WFS1: variants seen among roughly 807,000 people sequenced by gnomAD.
The protein encoded by WFS1 is wolframin.
A neutral mutation model predicts 68.5 loss-of-function variants in WFS1; 90 were observed. That is an observed-to-expected ratio of 1.31 (90% CI 1.11 to 1.56). The LOEUF is 1.56. Ranked by LOEUF, WFS1 falls within the 40% of genes most tolerant of loss-of-function variation. The pLI, the probability that WFS1 is intolerant of heterozygous loss-of-function variation, is 0.00. For synonymous variants in WFS1, 860 were observed against 540.7 expected (o/e 1.59, Z -8.19); for missense variants, 1,767 against 1,232.6 (o/e 1.43, Z -6.49).
Position 6,302,537 on chromosome 4 carries a change from C to A in WFS1, c.*69C>A. 1 of 1,598,974 alleles carries A rather than the reference C, an allele frequency of 6.3e-7. No homozygotes were observed. Among genetic ancestry groups the A allele is most frequent in the Non-Finnish European group, 8.5e-7 (1 of 1,176,254 alleles). On this transcript the variant is annotated 3_prime_UTR_variant, in exon 8 of 8. Coordinates refer to ENST00000226760, the MANE Select transcript of WFS1 (RefSeq NM_006005.3). Reference sequence around the variant, plus strand: ...GCCTTTCCCCAGTGTGGCCCCAGCCCGACAGGCATGCACCAGTGCCGCCTG... The same window carrying A: ...GCCTTTCCCCAGTGTGGCCCCAGCCAGACAGGCATGCACCAGTGCCGCCTG...
At chr4:6,290,715 C>G (rs1245305006) in intron 4 of WFS1, among the ~76,000 whole-genome samples, 2 of 151,340 alleles carry the variant, frequency 1.3e-5, no homozygotes, top group Non-Finnish European at 2.9e-5. Flanking sequence ...CCTCTCCCCG[C>G]TGTCCAAGCC....
intron 4 of WFS1, among the ~76,000 whole-genome samples, chr4:6,290,891 C>A (rs1730441626): frequency 6.6e-6 from 1 of 152,144 alleles, no homozygotes; most frequent in South Asian, 2.1e-4. Context: ...AGAACACAGG[C>A]CTGTGCCTCC....
intron 6 of WFS1, among the ~76,000 whole-genome samples, chr4:6,293,974 C>T (rs1206720148): frequency 6.6e-6 from 1 of 151,854 alleles, no homozygotes; most frequent in African/African-American, 2.4e-5. Flanking sequence ...TGCTACCTGC[C>T]ACTTGTGTGG....
intron 7 of WFS1, among the ~76,000 whole-genome samples, chr4:6,298,106 C>T (rs951924768): frequency 1.8e-4 from 27 of 152,228 alleles, no homozygotes; most frequent in African/African-American, 5.8e-4. Flanking sequence ...CCCTTGCTAC[C>T]GTGGCGGTCG....
intron 6 of WFS1, among the ~76,000 whole-genome samples, chr4:6,292,365 G>C (rs1028285919): frequency 2.0e-5 from 3 of 152,132 alleles, no homozygotes; most frequent in Non-Finnish European, 4.4e-5. Flanking sequence ...GGGCATTAGG[G>C]GAAGGGGCTC....
intron 5 of WFS1, among the ~76,000 whole-genome samples, chr4:6,291,613 T>C (rs1387971910): frequency 1.3e-5 from 2 of 152,138 alleles, no homozygotes; most frequent in Non-Finnish European, 2.9e-5. Context: ...CTGGCTCAAG[T>C]GCTCACTCAT....
chr4:6,277,696 G>A lies in WFS1; in HGVS notation c.232+9G>A, dbSNP rs1425281637. 6.4e-7 allele frequency: 1 copy of A among 1,553,746 alleles called. No individual in the cohort carries two copies. Among genetic ancestry groups the A allele is most frequent in the South Asian group, 1.2e-5 (1 of 84,280 alleles). ...AAGAGCAGACGGCACCGGTAAGGGAGCAGGCTGGGAAGCCCAGGCTGGGGA... is the reference window on the plus strand; with the variant it reads ...AAGAGCAGACGGCACCGGTAAGGGAACAGGCTGGGAAGCCCAGGCTGGGGA... On this transcript the variant is annotated intron_variant, in intron 2 of 7. Coordinates refer to ENST00000226760, the MANE Select transcript of WFS1 (RefSeq NM_006005.3).
chr4:6,296,100 C>T (rs1042016957), intron 7 of WFS1, among the ~76,000 whole-genome samples: 7 of 152,130 alleles, frequency 4.6e-5, no homozygotes, highest in Non-Finnish European at 1.0e-4. Flanking sequence ...TTCAGATGGG[C>T]GCGTGAGTCA....
intron 6 of WFS1, among the ~76,000 whole-genome samples, chr4:6,292,235 C>T (rs71532856): frequency 3.8e-4 from 58 of 152,264 alleles, no homozygotes; most frequent in South Asian, 1.0e-3. Context: ...CCACCTGGAG[C>T]GCACGCACTG....
intron 7 of WFS1, among the ~76,000 whole-genome samples, chr4:6,298,699 CTCTCA>C (rs1321314417): frequency 5.3e-5 from 8 of 151,956 alleles, no homozygotes; most frequent in Admixed American, 1.3e-4. Context: ...TGCCCCTCTC[CTCTCA>C]TCTGTGGAAG....
At chr4:6,292,115 T>G in intron 6 of WFS1, 118 bp downstream of exon 6, 1 of 1,063,886 alleles carries the variant, frequency 9.4e-7, no homozygotes, top group Non-Finnish European at 1.4e-6. Flanking sequence ...CCTCCCAGCC[T>G]GCGCCTGCAG....
chr4:6,287,423 G>T lies in WFS1; in HGVS notation c.315+248G>T. ...TTTTGTCCAACTCACACCTCATCTT[G>T]GGCATCACCTCCTCCAGGATGACCT... is the stretch of plus-strand genomic sequence containing the variant. On this transcript the variant is annotated intron_variant, in intron 3 of 7. Transcript: ENST00000226760. This position sits in a 1 kb window ranked among gnomAD's most constrained non-coding sequence, Gnocchi z 6.4. 1.8e-6 allele frequency: 1 copy of T among 553,980 alleles called. No individual in the cohort carries two copies. The highest frequency in any genetic ancestry group is 3.3e-6 in the Non-Finnish European group (1 of 306,300). The allele number at this position is 553,980 out of a possible 1,614,324, so 34.3% of individuals were successfully genotyped here.
In WFS1 at chr4:6,301,920, G is replaced by A. The variant is rs761216725; in HGVS notation, c.2125G>A (p.Val709Met). ...GACCGGCCGCTTCAAGTACGTCCGCGTGACTGACATCGACAACAGCGCCGA... is the reference window on the plus strand; with the variant it reads ...GACCGGCCGCTTCAAGTACGTCCGCATGACTGACATCGACAACAGCGCCGA... ...TWTGRFKYVR[V>M]TDIDNSAESA... The change falls in exon 8 of 8, where the codon GTG becomes ATG. Residue 709 changes from valine to methionine, a missense_variant. By Grantham distance (21) the Val-to-Met change is conservative (BLOSUM62 1). Coordinates refer to ENST00000226760, the MANE Select transcript of WFS1 (RefSeq NM_006005.3). 40 of 1,612,820 alleles carry A rather than the reference G, an allele frequency of 2.5e-5. No homozygotes were observed. The highest frequency in any genetic ancestry group is 8.9e-5 in the East Asian group (4 of 44,876).
At chr4:6,289,207 A>G in intron 4 of WFS1, 76 bp downstream of exon 4, 2 of 1,505,808 alleles carry the variant, frequency 1.3e-6, no homozygotes, top group Non-Finnish European at 1.8e-6. Context: ...CTGAACAACT[A>G]AAATCTTACC....
intron 1 of WFS1, among the ~76,000 whole-genome samples, chr4:6,273,874 A>G (rs1729906291): frequency 6.6e-6 from 1 of 152,188 alleles, no homozygotes; most frequent in South Asian, 2.1e-4. Context: ...ATCCATTCTT[A>G]CTAACCAGAG....
chr4:6,273,085 CAG>C (rs1299733759), intron 1 of WFS1, among the ~76,000 whole-genome samples: 2 of 152,230 alleles, frequency 1.3e-5, no homozygotes, highest in Non-Finnish European at 2.9e-5. Flanking sequence ...TGGCTTCCCA[CAG>C]GGGCTGTTTC....
In WFS1 at chr4:6,291,545, C is replaced by T. The variant is rs138461246; in HGVS notation, c.631+178C>T. 2.6e-3 allele frequency among the ~76,000 whole-genome samples: 393 copies of T among 152,308 alleles called. 3 individuals are homozygous for T. Among genetic ancestry groups the T allele is most frequent in the African/African-American group, 9.0e-3 (376 of 41,568 alleles). The stretch of plus-strand genomic sequence containing the variant: ...TGGGGACCAGGGGACCAGAACCTTC[C>T]TGTAGAGACCGTGCCCTAGTGGTGA... On this transcript the variant is annotated intron_variant, in intron 5 of 7. Coordinates refer to ENST00000226760, the MANE Select transcript of WFS1 (RefSeq NM_006005.3).
At position 6,301,029 on chromosome 4, in the gene WFS1, G is replaced by A. The variant is rs149865710; in HGVS notation, c.1234G>A (p.Val412Ile). The change falls in exon 8 of 8, where the codon GTC becomes ATC. Residue 412 changes from valine to isoleucine, a missense_variant. Val to Ile is a conservative substitution (Grantham distance 29). Coordinates refer to ENST00000226760, the MANE Select transcript of WFS1 (RefSeq NM_006005.3). ...GCCCTATGCCCATTTCCTGCTCTCT[G>A]TCTTCTTCGTCATCTTCTCCTTCCC... ...LEPYAHFLLS[V>I]FFVIFSFPIA... 3.1e-6 allele frequency: 5 copies of A among 1,614,114 alleles called. No homozygotes were observed. The highest frequency in any genetic ancestry group is 1.1e-5 in the South Asian group (1 of 91,080).
chr4:6,281,051 C>A (rs566389197), intron 2 of WFS1, among the ~76,000 whole-genome samples: 66 of 152,238 alleles, frequency 4.3e-4, no homozygotes, highest in African/African-American at 1.6e-3. Context: ...AGTGGGTGGC[C>A]AGCCCACACG....
Sources: allele counts gnomAD v4.1 joint callset (sites outside exome capture counted in the v4.1 genomes callset), GRCh38; gene constraint gnomAD v4.1.1; non-coding constraint Gnocchi (gnomAD v3.1); transcripts MANE v1.5; gene names NCBI Gene and HGNC (gene_info 2026-07-23, HGNC 2026-07-21).